The following PTBP2 variants were observed in gnomAD, a reference collection of about 807,000 sequenced individuals.
The protein encoded by PTBP2 is polypyrimidine tract-binding protein 2.
PTBP2 carries 13 observed loss-of-function variants against 61.4 expected under a neutral mutation model. The observed-to-expected ratio is 0.21, with a 90% CI of 0.14 to 0.34. The LOEUF is 0.34. Among genes scored for constraint, PTBP2 ranks in the 10% least tolerant of loss-of-function variants. The probability of loss-of-function intolerance (pLI) is 1.00; values close to 1 mark genes in which losing one functional copy is unlikely to be tolerated. For missense variants in PTBP2, 405 were observed against 642.6 expected, an observed-to-expected ratio of 0.63 and a Z score of 4.00; for synonymous variants, 215 against 218.5, an observed-to-expected ratio of 0.98 and a Z score of 0.14.
At chr1:96,750,748 G>GT (rs1281601510) in intron 2 of PTBP2, among the ~76,000 whole-genome samples, 1 of 151,964 alleles carries the variant, frequency 6.6e-6, no homozygotes. Context: ...ATTTTAGCTA[G>GT]TTTAAATATT....
chr1:96,782,503 T>C (rs1658789946), intron 7 of PTBP2, among the ~76,000 whole-genome samples: 1 of 152,012 alleles, frequency 6.6e-6, no homozygotes, highest in Non-Finnish European at 1.5e-5. Context: ...TTCATATTAA[T>C]GGAGAATTTA....
chr1:96,797,647 T>G (rs1456434806), intron 8 of PTBP2, among the ~76,000 whole-genome samples: 2 of 152,078 alleles, frequency 1.3e-5, no homozygotes, highest in Non-Finnish European at 2.9e-5. Context: ...AATCCACTGA[T>G]GCTCAAGTTC....
intron 5 of PTBP2, among the ~76,000 whole-genome samples, chr1:96,773,624 C>T (rs988166651): frequency 4.6e-5 from 7 of 152,008 alleles, no homozygotes; most frequent in Admixed American, 1.3e-4. Context: ...GCTGTTACCC[C>T]CATTCCCCCC....
chr1:96,795,345 T>G (rs889184422), intron 8 of PTBP2, among the ~76,000 whole-genome samples: 3 of 152,094 alleles, frequency 2.0e-5, no homozygotes, highest in African/African-American at 7.2e-5. Flanking sequence ...GTAAAAGTAA[T>G]AGGACTTGGC....
chr1:96,820,605 G>A (rs1662655723), exon 14 of PTBP2: 1 of 151,450 alleles, frequency 6.6e-6, no homozygotes, highest in African/African-American at 2.4e-5. Context: ...CATATCTGGT[G>A]CTAATAACTT....
At chr1:96,727,176 G>T (rs138799843) in intron 2 of PTBP2, among the ~76,000 whole-genome samples, 259 of 152,206 alleles carry the variant, frequency 1.7e-3, no homozygotes, top group African/African-American at 6.1e-3. Context: ...TTTGGTCTGG[G>T]TTAGTCCACT....
chr1:96,733,869 A>T (rs1397988155), intron 2 of PTBP2, among the ~76,000 whole-genome samples: 1 of 152,164 alleles, frequency 6.6e-6, no homozygotes, highest in Non-Finnish European at 1.5e-5. Flanking sequence ...CAGGATGAAG[A>T]CCTTTATTAT....
At chr1:96,751,757 C>G (rs777699347) in intron 3 of PTBP2, among the ~76,000 whole-genome samples, 1 of 150,236 alleles carries the variant, frequency 6.7e-6, no homozygotes, top group Non-Finnish European at 1.5e-5. Flanking sequence ...TTCTGTCTCA[C>G]ATTATAGTCC....
intron 3 of PTBP2, among the ~76,000 whole-genome samples, chr1:96,760,274 G>A (rs760760001): frequency 6.6e-6 from 1 of 151,904 alleles, no homozygotes; most frequent in Non-Finnish European, 1.5e-5. Context: ...CACATGAAAA[G>A]ATAATGTTAG....
intron 2 of PTBP2, among the ~76,000 whole-genome samples, chr1:96,744,412 A>G (rs1255061624): frequency 1.3e-5 from 2 of 152,160 alleles, no homozygotes; most frequent in Admixed American, 6.5e-5. Context: ...ATAGTCCATG[A>G]GTCCCCCTGT....
At chr1:96,797,992 C>T (rs1255628981) in intron 8 of PTBP2, among the ~76,000 whole-genome samples, 4 of 150,850 alleles carry the variant, frequency 2.7e-5, no homozygotes, top group Non-Finnish European at 5.9e-5. Flanking sequence ...AGGAGAAAGG[C>T]GTGAACCCGG....
exon 14 of PTBP2, chr1:96,821,358 T>G (rs970900092): frequency 6.6e-6 from 1 of 152,068 alleles, no homozygotes; most frequent in Non-Finnish European, 1.5e-5. Flanking sequence ...TTTAATTTTT[T>G]ATATCTATTT....
In PTBP2 at chr1:96,797,413, A is replaced by G. The variant is rs186653666; in HGVS notation, c.905-7387A>G. Reference sequence around the variant, plus strand: ...TAGAAGAGAATGGATTCCATAGGGCAAAATAAGAACTCAAGGGAAGGTTGG... The same window carrying G: ...TAGAAGAGAATGGATTCCATAGGGCGAAATAAGAACTCAAGGGAAGGTTGG... On this transcript the variant is annotated intron_variant, in intron 8 of 13. Transcript: ENST00000674951. Among the ~76,000 whole-genome samples the G allele has an allele frequency of 3.5e-4, 54 of 152,344 alleles. 1 individual carries two copies. Among genetic ancestry groups the G allele is most frequent in the Non-Finnish European group, 1.5e-5 (1 of 68,022 alleles).
chr1:96,812,654 A>G (rs928895702), intron 11 of PTBP2, 58 bp from the exon 12 acceptor site: 18 of 1,322,000 alleles, frequency 1.4e-5, no homozygotes, highest in Non-Finnish European at 1.8e-5. Context: ...CGTTAAAAGA[A>G]TTATGTTTGT....
At chr1:96,751,607 G>T (rs557929971) in intron 3 of PTBP2, 107 bp downstream of exon 3, 2 of 736,370 alleles carry the variant, frequency 2.7e-6, no homozygotes, top group South Asian at 4.2e-5. Context: ...TTTTAAATGC[G>T]TGTTGAAACA....
intron 2 of PTBP2, among the ~76,000 whole-genome samples, chr1:96,746,937 T>A (rs1317571660): frequency 1.7e-5 from 2 of 119,454 alleles, no homozygotes; most frequent in African/African-American, 3.2e-5. Context: ...CTTCCTTCCT[T>A]CCTTCCTACT....
rs1482989030 is a variant in PTBP2 at position 96,791,826 on chromosome 1, C to CTTTTTTTTGTT, written c.904+6580_904+6581insGTTTTTTTTTT. On this transcript the variant is annotated intron_variant, in intron 8 of 13. Transcript: ENST00000674951. ...TCCACCTCTGTTGCTTGGAGTTGTGCTTTTTTTTTTTTTTTTTTTTTTTGA... is the reference window on the plus strand; with the variant it reads ...TCCACCTCTGTTGCTTGGAGTTGTGCTTTTTTTTGTTTTTTTTTTTTTTTTTTTTTTTTTGA... 1.8e-3 allele frequency among the ~76,000 whole-genome samples: 116 copies of CTTTTTTTTGTT among 66,114 alleles called. 3 individuals carry two copies. The highest frequency in any genetic ancestry group is 4.6e-3 in the South Asian group (8 of 1,740). 43.4% of individuals were successfully genotyped at this position (66,114 alleles called of 152,430 possible). A position where few individuals can be genotyped will look rare whatever the true frequency, so the allele number is the denominator to read the frequency against.
chr1:96,822,604 C>CT (rs1273372540), exon 14 of PTBP2: 1 of 152,076 alleles, frequency 6.6e-6, no homozygotes, highest in Non-Finnish European at 1.5e-5. Context: ...TTGTATGTTT[C>CT]TTTTTTATAA....
chr1:96,812,957 A>C (rs753514228), intron 12 of PTBP2, 29 bp downstream of exon 12: 2 of 1,594,230 alleles, frequency 1.3e-6, no homozygotes, highest in Non-Finnish European at 1.7e-6. Flanking sequence ...GTGTATTGAG[A>C]TACATTCTAT....
Sources: allele counts gnomAD v4.1 joint callset (sites outside exome capture counted in the v4.1 genomes callset), GRCh38; gene constraint gnomAD v4.1.1; transcripts MANE v1.5; gene names NCBI Gene and HGNC (gene_info 2026-07-23, HGNC 2026-07-21).